Variants in CTNNA3 observed in about 807,000 individuals in gnomAD.
CTNNA3 encodes catenin alpha 3, also known as catenin alpha-3.
Under a neutral mutation model 95.7 loss-of-function variants are expected in CTNNA3, and 76 were observed. That is an observed-to-expected ratio of 0.79 (90% CI 0.66 to 0.96). The LOEUF (loss-of-function observed/expected upper bound fraction) is 0.96, where lower values mean the gene tolerates loss of function less well. Ranked by LOEUF, CTNNA3 falls within the 40% of genes least tolerant of loss-of-function variation. The pLI is 0.00. For missense variants in CTNNA3, 1,191 were observed against 1,089.8 expected (o/e 1.09, Z -1.31); for synonymous variants, 431 against 374.4 (o/e 1.15, Z -1.74).
At chr10:66,237,476 A>G (rs1589816351) in intron 13 of CTNNA3, among the ~76,000 whole-genome samples, 1 of 92,488 alleles carries the variant, frequency 1.1e-5, no homozygotes, top group Non-Finnish European at 2.3e-5. Flanking sequence ...AATACAAGAG[A>G]TATTTCTAAG....
In CTNNA3 at chr10:66,985,201, A is replaced by G. The variant is rs1758504524; in HGVS notation, c.1047+195116T>C. On this transcript the variant is annotated intron_variant, in intron 7 of 17. Coordinates refer to ENST00000433211, the MANE Select transcript of CTNNA3 (RefSeq NM_013266.4). ...GTCATGGGTGAGTAAAAAACAAATC[A>G]GGTACTCATATAGTTTATTTAGTAA... Among the ~76,000 whole-genome samples the G allele has an allele frequency of 2.0e-5, 3 of 152,210 alleles. No homozygotes were observed. In the South Asian group the frequency reaches 6.2e-4, roughly 32 times the overall value.
chr10:66,212,079 T>C (rs576712602), intron 13 of CTNNA3, among the ~76,000 whole-genome samples: 17 of 140,934 alleles, frequency 1.2e-4, no homozygotes, highest in African/African-American at 4.2e-4. Context: ...AACCTCTGCA[T>C]CCCAAGTTCA....
intron 7 of CTNNA3, among the ~76,000 whole-genome samples, chr10:67,037,571 A>C (rs1854140155): frequency 6.6e-6 from 1 of 152,144 alleles, no homozygotes; most frequent in African/African-American, 2.4e-5. Flanking sequence ...GATTTGAATG[A>C]AGTATGACTG....
At chr10:66,291,335 G>A (rs2132193561) in intron 12 of CTNNA3, among the ~76,000 whole-genome samples, 1 of 152,218 alleles carries the variant, frequency 6.6e-6, no homozygotes, top group African/African-American at 2.4e-5. Flanking sequence ...CACCAGAAAG[G>A]CCCATTAAGG....
chr10:65,950,550 A>G (rs1354472247), intron 17 of CTNNA3, among the ~76,000 whole-genome samples: 1 of 152,124 alleles, frequency 6.6e-6, no homozygotes, highest in East Asian at 1.9e-4. Flanking sequence ...TATAGTTGTC[A>G]AATACATCTT....
rs576911758 is a variant in CTNNA3, at chr10:66,841,057, G to C, written c.1048-65533C>G. 1.2e-4 allele frequency among the ~76,000 whole-genome samples: 18 copies of C among 152,280 alleles called. No homozygotes were observed. In the South Asian group the frequency reaches 2.7e-3, roughly 23 times the overall value. Reference sequence around the variant, plus strand: ...AACTATACTGATTTGGAATGGGTCAGAATGTTGACTGAGATAATCAAACTT... The same window carrying C: ...AACTATACTGATTTGGAATGGGTCACAATGTTGACTGAGATAATCAAACTT... On this transcript the variant is annotated intron_variant, in intron 7 of 17. Coordinates refer to ENST00000433211, the MANE Select transcript of CTNNA3 (RefSeq NM_013266.4).
At chr10:67,659,652 C>G (rs1329957643) in intron 1 of CTNNA3, among the ~76,000 whole-genome samples, 3 of 152,164 alleles carry the variant, frequency 2.0e-5, no homozygotes, top group African/African-American at 7.2e-5. Flanking sequence ...ATCACCAGAA[C>G]AAGAATAACC....
chr10:65,970,735 G>C lies in CTNNA3; in HGVS notation c.2266-3989C>G, dbSNP rs868724731. Among the ~76,000 whole-genome samples the C allele has an allele frequency of 3.4e-5, 5 of 147,880 alleles. No individual in the cohort carries two copies. The South Asian group carries it at 1.1e-3, about 31-fold the overall frequency. On this transcript the variant is annotated intron_variant, in intron 16 of 17. Coordinates refer to ENST00000433211, the MANE Select transcript of CTNNA3 (RefSeq NM_013266.4). ...ATATATTAAAATATAATATATAATAGATAAAAAAGACTTTAAACCAACAAC... is the reference window on the plus strand; with the variant it reads ...ATATATTAAAATATAATATATAATACATAAAAAAGACTTTAAACCAACAAC...
chr10:67,695,912 C>A (rs1207447130), intron 1 of CTNNA3, 88 bp downstream of exon 1: 2 of 152,294 alleles, frequency 1.3e-5, no homozygotes, highest in Non-Finnish European at 1.5e-5. Flanking sequence ...AATTTTAAAC[C>A]TATGATTATA....
At chr10:66,855,306 C>T (rs541924103) in intron 7 of CTNNA3, among the ~76,000 whole-genome samples, 4 of 152,034 alleles carry the variant, frequency 2.6e-5, no homozygotes, top group South Asian at 4.1e-4. Flanking sequence ...GATCTCTATC[C>T]GTGGAGCCTG....
chr10:66,529,446 T>G (rs1377484222), intron 10 of CTNNA3, among the ~76,000 whole-genome samples: 6 of 134,058 alleles, frequency 4.5e-5, no homozygotes, highest in East Asian at 4.0e-4. Context: ...AGTGTTTTTT[T>G]TTTGTTTTTT....
intron 5 of CTNNA3, among the ~76,000 whole-genome samples, chr10:67,360,062 A>G (rs919099732): frequency 1.3e-5 from 2 of 152,146 alleles, no homozygotes; most frequent in African/African-American, 4.8e-5. Context: ...TGGCATCCCT[A>G]AAGAAATGAA....
intron 9 of CTNNA3, among the ~76,000 whole-genome samples, chr10:66,635,138 T>C (rs1212264001): frequency 2.6e-5 from 4 of 152,120 alleles, no homozygotes; most frequent in Non-Finnish European, 4.4e-5. Context: ...TAAGCTATTA[T>C]TCACCTCAGA....
chr10:66,102,070 C>T (rs192562973), intron 14 of CTNNA3, among the ~76,000 whole-genome samples: 110 of 152,046 alleles, frequency 7.2e-4, no homozygotes, highest in Admixed American at 2.0e-3. Flanking sequence ...GCTTGTATAA[C>T]AATATGTCTA....
At position 66,786,020 on chromosome 10, in the gene CTNNA3, T is replaced by C. The variant is rs183415617; in HGVS notation, c.1048-10496A>G. Among the ~76,000 whole-genome samples, 198 of 152,278 alleles carry C rather than the reference T, an allele frequency of 1.3e-3. 1 individual carries two copies. The highest frequency in any genetic ancestry group is 4.6e-3 in the African/African-American group (191 of 41,568). On this transcript the variant is annotated intron_variant, in intron 7 of 17. Coordinates refer to ENST00000433211, the MANE Select transcript of CTNNA3 (RefSeq NM_013266.4). The stretch of plus-strand genomic sequence containing the variant: ...TGCCATTCCAGGTAGTTGCTGTAAG[T>C]TGGTTGTGTCTGTCTACTGAAGACC...
intron 13 of CTNNA3, among the ~76,000 whole-genome samples, chr10:66,236,168 T>C (rs2089844691): frequency 6.6e-6 from 1 of 152,116 alleles, no homozygotes; most frequent in African/African-American, 2.4e-5. Flanking sequence ...ACGGAGACAA[T>C]GAGATACAGA....
At chr10:67,345,420 G>T (rs1014006321) in intron 5 of CTNNA3, among the ~76,000 whole-genome samples, 9 of 152,068 alleles carry the variant, frequency 5.9e-5, no homozygotes, top group African/African-American at 2.2e-4. Flanking sequence ...GTTCAATGCT[G>T]AAAGTGGGGT....
chr10:67,564,677 G>GTGTGTATA (rs1488656262), intron 3 of CTNNA3, among the ~76,000 whole-genome samples: 80 of 61,296 alleles, frequency 1.3e-3, no homozygotes, highest in African/African-American at 4.7e-3. Context: ...GTGTGTGTGT[G>GTGTGTATA]TATATATATA....
At chr10:67,574,227 G>T (rs963662734) in intron 3 of CTNNA3, among the ~76,000 whole-genome samples, 8 of 152,140 alleles carry the variant, frequency 5.3e-5, no homozygotes, top group Non-Finnish European at 8.8e-5. Context: ...AGATCTTCTG[G>T]TGCTTACTTC....
Sources: allele counts gnomAD v4.1 joint callset (sites outside exome capture counted in the v4.1 genomes callset), GRCh38; gene constraint gnomAD v4.1.1; transcripts MANE v1.5; gene names NCBI Gene and HGNC (gene_info 2026-07-23, HGNC 2026-07-21).